XRRA1: variants seen among roughly 807,000 people sequenced by gnomAD.
XRRA1 encodes the protein X-ray radiation resistance-associated protein 1.
A neutral mutation model predicts 80.2 loss-of-function variants in XRRA1; 69 were observed. The observed-to-expected ratio is 0.86, with a 90% confidence interval of 0.71 to 1.05. The LOEUF (loss-of-function observed/expected upper bound fraction) is 1.05, where lower values mean the gene tolerates loss of function less well. XRRA1 is among the 50% of genes least tolerant of loss of function. XRRA1 has a pLI of 0.00. For synonymous variants in XRRA1, 348 were observed against 389.9 expected, an observed-to-expected ratio of 0.89 and a Z score of 1.27; for missense variants, 967 against 976.4, an observed-to-expected ratio of 0.99 and a Z score of 0.13.
At chr11:74,921,681 G>A (rs1418268653) in intron 7 of XRRA1, among the ~76,000 whole-genome samples, 2 of 152,154 alleles carry the variant, frequency 1.3e-5, no homozygotes, top group East Asian at 3.9e-4. Context: ...CCAAAAGACA[G>A]CTCAAAAGCT....
chr11:74,933,924 A>C, intron 4 of XRRA1, 52 bp from the exon 5 acceptor site: 1 of 1,503,254 alleles, frequency 6.7e-7, no homozygotes, highest in Non-Finnish European at 9.1e-7. Context: ...AAGTTTAATT[A>C]ATCTATTACC....
intron 7 of XRRA1, among the ~76,000 whole-genome samples, chr11:74,924,422 C>T (rs375691220): frequency 6.9e-6 from 1 of 144,536 alleles, no homozygotes; most frequent in South Asian, 2.2e-4. Context: ...TGCAGTGAGT[C>T]GAGATCGCGC....
Position 74,848,274 on chromosome 11 carries a change from C to A in XRRA1, c.1569G>T (p.Pro523=). 2 of 1,613,830 alleles carry A rather than the reference C, an allele frequency of 1.2e-6. No individual in the cohort carries two copies. Among genetic ancestry groups the A allele is most frequent in the South Asian group, 2.2e-5 (2 of 91,050 alleles). Residue 523 remains proline (P), a synonymous_variant, in exon 15 of 19, where the codon CCG becomes CCT. Coordinates refer to ENST00000684022, the MANE Select transcript of XRRA1 (RefSeq NM_001378157.1). ...GCAGTGGCACGAAGGTCCGGCAAGA[C>A]GGGGAATGGCCTTCCAGGTTCTCAG... ...MPTENLEGHS[P]SCRTFVPLPP...
chr11:74,933,809 A>T lies in XRRA1; in HGVS notation c.343T>A (p.Phe115Ile), dbSNP rs1438895962. The part of the protein sequence containing the change: ...LCTINVSGLK[F>I]SKAKENDFKH... Reference sequence around the variant, plus strand: ...TTGCTGGCTGACCTCACCTTGGAGAACTTCAGGCCACTCACATTAATGGTG... The same window carrying T: ...TTGCTGGCTGACCTCACCTTGGAGATCTTCAGGCCACTCACATTAATGGTG... The change falls in exon 5 of 19, where the codon TTC (phenylalanine) becomes ATC (isoleucine). Residue 115 changes from phenylalanine (F) to isoleucine (I), a missense_variant. Transcript: ENST00000684022. 1.0e-5 allele frequency: 16 copies of T among 1,594,242 alleles called. No individual in the cohort carries two copies. The highest frequency in any genetic ancestry group is 1.3e-5 in the African/African-American group (1 of 74,606).
intron 7 of XRRA1, among the ~76,000 whole-genome samples, chr11:74,924,182 A>T (rs1941631075): frequency 6.6e-6 from 1 of 150,560 alleles, no homozygotes; most frequent in Admixed American, 6.6e-5. Flanking sequence ...ATAAAAAAAA[A>T]GAGTAAGAGT....
chr11:74,907,188 G>C lies in XRRA1; in HGVS notation c.742C>G (p.Leu248Val), dbSNP rs377180839. ...LETLMLDDNR[L>V]SNPSCFASLA... is the part of the protein sequence containing the mutation. ...CTGGCAAAGCAACTGGGGTTGGAGA[G>C]TCTGTTGTCATCCAGCATCAGTGTC... The change falls in exon 9 of 19, where the codon CTC (leucine) becomes GTC (valine). Residue 248 changes from leucine (L) to valine (V), a missense_variant. Physicochemically the swap from Leu to Val is conservative, Grantham distance 32. Coordinates refer to ENST00000684022, the MANE Select transcript of XRRA1 (RefSeq NM_001378157.1). 6.2e-7 allele frequency: 1 copy of C among 1,613,994 alleles called. No homozygotes were observed. Among genetic ancestry groups the C allele is most frequent in the Non-Finnish European group, 8.5e-7 (1 of 1,179,876 alleles).
chr11:74,945,732 A>ACTTGATGCAGCTAATGCCAAT (rs1196112045), intron 1 of XRRA1, among the ~76,000 whole-genome samples: 1 of 152,118 alleles, frequency 6.6e-6, no homozygotes, highest in Non-Finnish European at 1.5e-5. Flanking sequence ...TCCATCTCAA[A>ACTTGATGCAGCTAATGCCAAT]CTTGATGCAG....
chr11:74,880,171 A>C (rs1322860800), intron 10 of XRRA1, among the ~76,000 whole-genome samples: 2 of 152,170 alleles, frequency 1.3e-5, no homozygotes, highest in Non-Finnish European at 2.9e-5. Flanking sequence ...CAGAGATTCA[A>C]CTTCTTCCTG....
At chr11:74,859,639 C>T (rs1327594859) in intron 11 of XRRA1, among the ~76,000 whole-genome samples, 1 of 152,094 alleles carries the variant, frequency 6.6e-6, no homozygotes, top group African/African-American at 2.4e-5. Context: ...CCCTTCTACA[C>T]AGTTGGGCTA....
At chr11:74,849,079 C>T (rs1331239823) in intron 14 of XRRA1, among the ~76,000 whole-genome samples, 1 of 152,234 alleles carries the variant, frequency 6.6e-6, no homozygotes, top group African/African-American at 2.4e-5. Flanking sequence ...CCCTCTCCTC[C>T]TCAGCCTCAG....
rs749970359 is a variant in XRRA1, at chr11:74,851,219, G to A, written c.1265-16C>T. The A allele has an allele frequency of 2.5e-6, 4 of 1,586,170 alleles. No homozygotes were observed. The East Asian group carries it at 6.7e-5, about 27-fold the overall frequency. The stretch of plus-strand genomic sequence containing the variant: ...GGAGGGACCCCTGGTGCCATGATGG[G>A]AAAATAAGATTACTATTAGCTAAAA... On this transcript the variant is annotated splice_polypyrimidine_tract_variant and intron_variant, in intron 13 of 18. Transcript: ENST00000684022.
chr11:74,844,432 C>G, intron 16 of XRRA1, 149 bp from the exon 17 acceptor site: 1 of 633,554 alleles, frequency 1.6e-6, no homozygotes, highest in East Asian at 2.6e-5. Flanking sequence ...CAGGTTTCTT[C>G]CGGATCTGTT....
chr11:74,867,139 A>G (rs1331994206), intron 10 of XRRA1, among the ~76,000 whole-genome samples: 2 of 152,180 alleles, frequency 1.3e-5, no homozygotes, highest in Non-Finnish European at 2.9e-5. Context: ...ACAGATGAGA[A>G]AGAACCAGAC....
chr11:74,853,216 G>A (rs1227322263), intron 12 of XRRA1, among the ~76,000 whole-genome samples: 1 of 152,244 alleles, frequency 6.6e-6, no homozygotes, highest in Non-Finnish European at 1.5e-5. Flanking sequence ...CCAGGGTCAT[G>A]TGACCTAGTC....
chr11:74,849,550 C>T (rs963354511), intron 14 of XRRA1, among the ~76,000 whole-genome samples: 3 of 152,182 alleles, frequency 2.0e-5, no homozygotes, highest in South Asian at 2.1e-4. Context: ...AAACACCAAG[C>T]GCCATCACTT....
intron 8 of XRRA1, among the ~76,000 whole-genome samples, chr11:74,914,653 G>A (rs888231642): frequency 5.9e-5 from 9 of 151,388 alleles, no homozygotes; most frequent in East Asian, 5.8e-4. Context: ...GCCTTTTCTC[G>A]GTACCCATAG....
chr11:74,911,030 A>T (rs1187348830), intron 8 of XRRA1, among the ~76,000 whole-genome samples: 2 of 152,156 alleles, frequency 1.3e-5, no homozygotes, highest in African/African-American at 4.8e-5. Flanking sequence ...TTTGATAAGT[A>T]GGCTAAACAG....
chr11:74,892,185 T>C (rs1468782100), intron 10 of XRRA1, among the ~76,000 whole-genome samples: 1 of 152,104 alleles, frequency 6.6e-6, no homozygotes. Context: ...CAAAACAGCA[T>C]GGTACCGGTA....
At chr11:74,891,113 T>C (rs998896935) in intron 10 of XRRA1, among the ~76,000 whole-genome samples, 2 of 152,154 alleles carry the variant, frequency 1.3e-5, no homozygotes, top group Non-Finnish European at 2.9e-5. Flanking sequence ...AAGAGTATTT[T>C]AGACCAATAT....
Sources: gnomAD v4.1 joint callset for allele counts (sites outside exome capture counted in the v4.1 genomes callset) on GRCh38, gnomAD v4.1.1 for gene constraint, MANE v1.5 for transcripts, NCBI Gene and HGNC (gene_info 2026-07-23, HGNC 2026-07-21) for gene names.